SMOC2: variants seen among roughly 807,000 people sequenced by gnomAD.
The protein encoded by SMOC2 is SPARC-related modular calcium-binding protein 2.
Under a neutral mutation model 61.4 loss-of-function variants are expected in SMOC2, and 39 were observed. The observed-to-expected ratio is 0.64, with a 90% CI of 0.49 to 0.83. The LOEUF is 0.83. SMOC2 is among the 40% of genes least tolerant of loss of function. SMOC2 has a pLI of 0.00. For synonymous variants in SMOC2, 247 were observed against 239.9 expected (o/e 1.03, Z -0.27); for missense variants, 556 against 592.9 (o/e 0.94, Z 0.65).
chr6:168,488,264 C>G (rs1782382154), intron 1 of SMOC2, among the ~76,000 whole-genome samples: 1 of 152,258 alleles, frequency 6.6e-6, no homozygotes, highest in South Asian at 2.1e-4. Context: ...GCTGTCTGCT[C>G]CCATGGCCGC....
intron 11 of SMOC2, among the ~76,000 whole-genome samples, chr6:168,660,151 A>T (rs1480336639): frequency 6.6e-6 from 1 of 151,792 alleles, no homozygotes; most frequent in African/African-American, 2.4e-5. Context: ...CATTAGATAA[A>T]GAAAATGAAA....
intron 9 of SMOC2, among the ~76,000 whole-genome samples, chr6:168,645,657 C>G (rs1787006456): frequency 6.6e-6 from 1 of 152,234 alleles, no homozygotes; most frequent in Non-Finnish European, 1.5e-5. Context: ...GCCACCTCCA[C>G]GAAGTGACCC....
intron 9 of SMOC2, among the ~76,000 whole-genome samples, chr6:168,642,835 G>A (rs1786927433): frequency 1.3e-5 from 2 of 152,146 alleles, no homozygotes. Flanking sequence ...GTTAAAAGTT[G>A]GAAAGCCAAG....
intron 3 of SMOC2, 89 bp downstream of exon 3, chr6:168,526,541 C>G (rs1004361434): frequency 1.3e-5 from 13 of 1,020,362 alleles, no homozygotes; most frequent in Admixed American, 1.8e-5. Flanking sequence ...GTGGGGGGAG[C>G]CGAACAGAAG....
chr6:168,510,334 G>GT (rs946934175), intron 2 of SMOC2, among the ~76,000 whole-genome samples: 1 of 152,022 alleles, frequency 6.6e-6, no homozygotes, highest in Non-Finnish European at 1.5e-5. Context: ...AAATATTTCA[G>GT]TTTTTTTCCC....
At chr6:168,555,690 C>G (rs1045854850) in intron 7 of SMOC2, among the ~76,000 whole-genome samples, 7 of 152,212 alleles carry the variant, frequency 4.6e-5, no homozygotes, top group Admixed American at 2.0e-4. Context: ...CCTTCACACC[C>G]AGGCCAGATT....
At chr6:168,528,593 A>G (rs9355069) in intron 4 of SMOC2, among the ~76,000 whole-genome samples, 103,204 of 152,168 alleles carry the variant, frequency 0.68, 37,169 homozygotes, top group Non-Finnish European at 0.8. Context: ...TTATTATTCA[A>G]ATGTTTTTCA....
At position 168,454,552 on chromosome 6, in the gene SMOC2, A is replaced by T. The variant is rs540602633; in HGVS notation, c.84+13098A>T. On this transcript the variant is annotated intron_variant, in intron 1 of 12. Coordinates refer to ENST00000356284, the MANE Select transcript of SMOC2 (RefSeq NM_001166412.2). ...ACTGCGGCTCTGACAGGTTCTGCAG[A>T]TGGGAGGCACCTGGGCAGTGAGACC... Among the ~76,000 whole-genome samples the T allele has an allele frequency of 2.6e-5, 4 of 152,150 alleles. No individual in the cohort carries two copies. The South Asian group carries it at 6.2e-4, about 24-fold the overall frequency.
chr6:168,574,680 G>C (rs914111638), intron 7 of SMOC2, among the ~76,000 whole-genome samples: 1 of 152,012 alleles, frequency 6.6e-6, no homozygotes, highest in Non-Finnish European at 1.5e-5. Flanking sequence ...GGGTCCGGTG[G>C]GTGACAGCAC....
At chr6:168,558,959 G>A (rs1235770693) in intron 7 of SMOC2, among the ~76,000 whole-genome samples, 1 of 152,164 alleles carries the variant, frequency 6.6e-6, no homozygotes, top group Non-Finnish European at 1.5e-5. Flanking sequence ...GTGTGCATGT[G>A]TGTGTACGTG....
intron 1 of SMOC2, among the ~76,000 whole-genome samples, chr6:168,507,803 C>T (rs1416879023): frequency 6.6e-6 from 1 of 152,264 alleles, no homozygotes; most frequent in Non-Finnish European, 1.5e-5. Context: ...ATCATTTCAG[C>T]AGGTGAGCTT....
At chr6:168,489,963 A>C (rs1202547392) in intron 1 of SMOC2, among the ~76,000 whole-genome samples, 13 of 151,524 alleles carry the variant, frequency 8.6e-5, no homozygotes. Context: ...GTCCTCTTGG[A>C]TCACACTGTT....
At chr6:168,545,426 TA>T (rs1160775926) in intron 5 of SMOC2, among the ~76,000 whole-genome samples, 2 of 152,252 alleles carry the variant, frequency 1.3e-5, no homozygotes, top group East Asian at 1.9e-4. Context: ...AGAGGGAAAG[TA>T]AAAAATGCAC....
chr6:168,509,454 T>G (rs746209263), intron 1 of SMOC2, among the ~76,000 whole-genome samples: 1 of 152,198 alleles, frequency 6.6e-6, no homozygotes, highest in Non-Finnish European at 1.5e-5. Context: ...ACCATTTAAA[T>G]CAGGAAGGAT....
Position 168,639,173 on chromosome 6 carries a change from C to T in SMOC2, c.908-11508C>T, listed in dbSNP as rs894109804. On this transcript the variant is annotated intron_variant, in intron 9 of 12. Transcript: ENST00000356284. ...TACTCTGGCGTCTCAGTCATTGAATCGTCATTGGAGCCCCCCGTTTTGGCT... is the reference window on the plus strand; with the variant it reads ...TACTCTGGCGTCTCAGTCATTGAATTGTCATTGGAGCCCCCCGTTTTGGCT... Among the ~76,000 whole-genome samples the T allele has an allele frequency of 5.9e-5, 9 of 152,290 alleles. No individual in the cohort carries two copies. In the East Asian group the frequency reaches 1.4e-3, roughly 23 times the overall value.
Position 168,653,822 on chromosome 6 carries a change from G to T in SMOC2, c.1285+594G>T, listed in dbSNP as rs550327091. Among the ~76,000 whole-genome samples, 8 of 145,984 alleles carry T rather than the reference G, an allele frequency of 5.5e-5. No individual in the cohort carries two copies. In the South Asian group the frequency reaches 1.9e-3, roughly 34 times the overall value. On this transcript the variant is annotated intron_variant, in intron 11 of 12. Coordinates refer to ENST00000356284, the MANE Select transcript of SMOC2 (RefSeq NM_001166412.2). ...TTAGGAACTCACCACCCCTGTACCT[G>T]AGCTCCAACCAGATGTTAGGAACTC...
At chr6:168,528,087 C>T (rs1421072085) in intron 4 of SMOC2, among the ~76,000 whole-genome samples, 1 of 151,996 alleles carries the variant, frequency 6.6e-6, no homozygotes, top group Admixed American at 6.5e-5. Flanking sequence ...TTTTCTTTGG[C>T]CAAAAAAGTG....
chr6:168,640,271 C>T (rs79673913), intron 9 of SMOC2, among the ~76,000 whole-genome samples: 11 of 152,160 alleles, frequency 7.2e-5, no homozygotes, highest in South Asian at 6.2e-4. Context: ...AAGGATTGGC[C>T]GCTCTATTTC....
At chr6:168,622,365 G>T (rs1786269285) in intron 9 of SMOC2, among the ~76,000 whole-genome samples, 1 of 151,886 alleles carries the variant, frequency 6.6e-6, no homozygotes, top group South Asian at 2.1e-4. Context: ...TGGCTTGGGA[G>T]GCTGCCGGAT....
Sources: allele counts gnomAD v4.1 joint callset (sites outside exome capture counted in the v4.1 genomes callset), GRCh38; gene constraint gnomAD v4.1.1; transcripts MANE v1.5; gene names NCBI Gene and HGNC (gene_info 2026-07-23, HGNC 2026-07-21).